The following CSMD1 variants were observed in gnomAD, a reference collection of about 807,000 sequenced individuals.
The protein encoded by CSMD1 is CUB and Sushi multiple domains 1.
A neutral mutation model predicts 417.5 loss-of-function variants in CSMD1; 213 were observed. The ratio of observed to expected loss-of-function variants is 0.51; its 90% CI spans 0.46 to 0.57. The LOEUF (loss-of-function observed/expected upper bound fraction) is 0.57, where lower values mean the gene tolerates loss of function less well. Ranked by LOEUF, CSMD1 falls within the 20% of genes least tolerant of loss-of-function variation. The pLI is 0.00. For synonymous variants in CSMD1, 2,862 were observed against 1,736.8 expected (o/e 1.65, Z -16.11); for missense variants, 6,923 against 4,529.7 (o/e 1.53, Z -15.17).
At chr8:4,945,390 G>A (rs905229371) in intron 1 of CSMD1, among the ~76,000 whole-genome samples, 1 of 152,116 alleles carries the variant, frequency 6.6e-6, no homozygotes, top group East Asian at 1.9e-4. Context: ...AAATAGTTCA[G>A]ATAGTAAATT....
At chr8:4,732,344 C>CGTGTGTGTGTGTGTGT (rs750818272) in intron 1 of CSMD1, among the ~76,000 whole-genome samples, 134 of 141,142 alleles carry the variant, frequency 9.5e-4, no homozygotes, top group Non-Finnish European at 1.4e-3. Context: ...ATTTCTTCTG[C>CGTGTGTGTGTGTGTGT]GTGTGTGTGT....
intron 25 of CSMD1, among the ~76,000 whole-genome samples, chr8:3,306,038 C>G (rs1003759289): frequency 6.6e-6 from 1 of 152,002 alleles, no homozygotes; most frequent in Non-Finnish European, 1.5e-5. Context: ...TGTTTGCATT[C>G]TAGATATGCT....
intron 1 of CSMD1, among the ~76,000 whole-genome samples, chr8:4,642,239 C>T (rs1403735225): frequency 1.3e-5 from 2 of 152,224 alleles, no homozygotes; most frequent in East Asian, 1.9e-4. Flanking sequence ...TCTTGGAGGC[C>T]GGAAAACACA....
intron 3 of CSMD1, among the ~76,000 whole-genome samples, chr8:4,372,589 A>C (rs896917712): frequency 6.6e-6 from 1 of 151,768 alleles, no homozygotes; most frequent in African/African-American, 2.4e-5. Context: ...GGTACACTTA[A>C]AACAAGGTGA....
At chr8:4,502,890 G>A (rs1310678289) in intron 2 of CSMD1, among the ~76,000 whole-genome samples, 1 of 152,076 alleles carries the variant, frequency 6.6e-6, no homozygotes, top group East Asian at 1.9e-4. Context: ...TTGAAAAACA[G>A]ATCAACCAAT....
intron 1 of CSMD1, among the ~76,000 whole-genome samples, chr8:4,872,570 A>G (rs1039885934): frequency 3.3e-5 from 5 of 152,054 alleles, no homozygotes; most frequent in Non-Finnish European, 7.4e-5. Context: ...CAGAACTGTG[A>G]GTCAATTAAA....
intron 5 of CSMD1, among the ~76,000 whole-genome samples, chr8:3,985,888 C>A (rs933631188): frequency 6.6e-6 from 1 of 151,904 alleles, no homozygotes; most frequent in East Asian, 1.9e-4. Flanking sequence ...CCCAATTCAT[C>A]GTGCACTCTT....
At chr8:4,122,466 A>T (rs1269458370) in intron 3 of CSMD1, among the ~76,000 whole-genome samples, 1 of 152,220 alleles carries the variant, frequency 6.6e-6, no homozygotes, top group Non-Finnish European at 1.5e-5. Context: ...GGAAATGAAG[A>T]AACTAAGAGA....
intron 7 of CSMD1, among the ~76,000 whole-genome samples, chr8:3,674,518 T>G (rs1431163757): frequency 6.6e-6 from 1 of 152,160 alleles, no homozygotes; most frequent in Non-Finnish European, 1.5e-5. Flanking sequence ...CGTGAATCAT[T>G]AGATAATTTA....
intron 3 of CSMD1, among the ~76,000 whole-genome samples, chr8:4,388,002 T>G (rs910751828): frequency 6.6e-6 from 1 of 152,162 alleles, no homozygotes; most frequent in African/African-American, 2.4e-5. Flanking sequence ...AAACACATAA[T>G]TGAATCCATT....
chr8:3,261,979 A>G (rs1801099921), intron 26 of CSMD1, among the ~76,000 whole-genome samples: 1 of 151,888 alleles, frequency 6.6e-6, no homozygotes, highest in East Asian at 1.9e-4. Context: ...CTAGTTCTAC[A>G]GGATGTTACT....
At chr8:4,942,795 A>C (rs1369667507) in intron 1 of CSMD1, among the ~76,000 whole-genome samples, 1 of 152,262 alleles carries the variant, frequency 6.6e-6, no homozygotes, top group Non-Finnish European at 1.5e-5. Context: ...GGAATTGGAA[A>C]CTGCAACTTA....
chr8:4,075,124 T>G (rs1020990998), intron 3 of CSMD1, among the ~76,000 whole-genome samples: 1 of 152,126 alleles, frequency 6.6e-6, no homozygotes, highest in African/African-American at 2.4e-5. Context: ...ACAGTAAATA[T>G]CAAAATGATA....
chr8:4,100,185 C>A (rs1043260698), intron 3 of CSMD1, among the ~76,000 whole-genome samples: 2 of 152,132 alleles, frequency 1.3e-5, no homozygotes, highest in African/African-American at 4.8e-5. Context: ...CTACCACTAC[C>A]TTGGGGAAGG....
chr8:4,428,346 T>C (rs1797682903), intron 2 of CSMD1, among the ~76,000 whole-genome samples: 2 of 152,204 alleles, frequency 1.3e-5, no homozygotes, highest in African/African-American at 4.8e-5. Context: ...ATCTAGTACC[T>C]ACTAGGGATT....
At chr8:4,488,985 C>A (rs1286579285) in intron 2 of CSMD1, among the ~76,000 whole-genome samples, 2 of 152,160 alleles carry the variant, frequency 1.3e-5, no homozygotes, top group Non-Finnish European at 2.9e-5. Context: ...GATCTTGGCT[C>A]ACTGCACGTC....
chr8:4,915,373 A>G (rs577162041), intron 1 of CSMD1, among the ~76,000 whole-genome samples: 2 of 152,352 alleles, frequency 1.3e-5, no homozygotes, highest in Admixed American at 1.3e-4. Flanking sequence ...TAGTCTGACA[A>G]TCGTAGATTC....
At chr8:3,698,948 G>C (rs552530736) in intron 7 of CSMD1, among the ~76,000 whole-genome samples, 1 of 152,288 alleles carries the variant, frequency 6.6e-6, no homozygotes, top group African/African-American at 2.4e-5. Context: ...TGTGTTCTAA[G>C]TCAGGCATCC....
intron 3 of CSMD1, among the ~76,000 whole-genome samples, chr8:4,226,132 G>A (rs114783899): frequency 0.012 from 1,766 of 151,294 alleles, 35 homozygotes; most frequent in African/African-American, 0.041. Flanking sequence ...ACACTTGCTA[G>A]CATGAGAGTT....
Sources: allele counts gnomAD v4.1 joint callset (sites outside exome capture counted in the v4.1 genomes callset), GRCh38; gene constraint gnomAD v4.1.1; transcripts MANE v1.5; gene names NCBI Gene and HGNC (gene_info 2026-07-23, HGNC 2026-07-21).